The following C13orf42 variants were observed in gnomAD, a reference collection of about 807,000 sequenced individuals.
The protein encoded by C13orf42 is chromosome 13 open reading frame 42, also known as uncharacterized protein C13orf42.
rs759160008 is a variant in C13orf42, at chr13:51,083,939, G to A, written c.*212C>T. 4.3e-4 allele frequency: 160 copies of A among 371,764 alleles called. No homozygotes were observed. Among genetic ancestry groups the A allele is most frequent in the Admixed American group, 7.8e-4 (17 of 21,792 alleles). 23.0% of individuals were successfully genotyped at this position (371,764 alleles called of 1,614,324 possible). A position where few individuals can be genotyped will look rare whatever the true frequency, so the allele number is the denominator to read the frequency against. ...AAGTCCCTGGTCATCAGCCCACGCA[G>A]AGAAACTCAAGCTCTGAGAGTGTCC... On this transcript the variant is annotated 3_prime_UTR_variant, in exon 4 of 4. Coordinates refer to ENST00000563710, the MANE Select transcript of C13orf42 (RefSeq NM_001351589.3).
chr13:51,114,675 C>T (rs1953472053), upstream of C13orf42, among the ~76,000 whole-genome samples: 1 of 151,950 alleles, frequency 6.6e-6, no homozygotes, highest in Non-Finnish European at 1.5e-5. Context: ...GACAGACAGA[C>T]AGACAGACAG....
rs1206289963 is a variant in C13orf42 at position 51,153,630 on chromosome 13, C to CTTTTTTTTTT, written n.136+18613_136+18622dup. ...CATTTTCTTGCTTTCTGTTTTTTTT[C>CTTTTTTTTTT]TTTTTTTTTTTTTTTTTTTTTTTTT... On this transcript the variant is annotated intron_variant and non_coding_transcript_variant, in intron 1 of 4. Coordinates refer to the C13orf42 transcript ENST00000433280. Among the ~76,000 whole-genome samples, 74 of 81,248 alleles carry CTTTTTTTTTT rather than the reference C, an allele frequency of 9.1e-4. 1 individual carries two copies. Among genetic ancestry groups the CTTTTTTTTTT allele is most frequent in the East Asian group, 1.5e-3 (4 of 2,668 alleles). 53.3% of individuals were successfully genotyped at this position (81,248 alleles called of 152,430 possible).
intron 1 of C13orf42, among the ~76,000 whole-genome samples, chr13:51,171,060 AG>A (rs1448831797): frequency 6.6e-6 from 1 of 151,228 alleles, no homozygotes; most frequent in African/African-American, 2.4e-5. Flanking sequence ...GCTTTTCTGG[AG>A]GGCAAGAACC....
chr13:51,084,375 C>CCTTG (rs1566121103), intron 3 of C13orf42, 50 bp from the exon 4 acceptor site: 1 of 398,348 alleles, frequency 2.5e-6, no homozygotes, highest in Non-Finnish European at 4.4e-6. Context: ...TGGCCGGCCA[C>CCTTG]ACAGAGGGAA....
intron 1 of C13orf42, among the ~76,000 whole-genome samples, chr13:51,127,420 T>C (rs1953585502): frequency 6.6e-6 from 1 of 152,206 alleles, no homozygotes; most frequent in African/African-American, 2.4e-5. Flanking sequence ...ATACAGCTAG[T>C]AGGGAAGCTG....
At chr13:51,103,415 G>T (rs1953313648) in intron 1 of C13orf42, among the ~76,000 whole-genome samples, 1 of 152,114 alleles carries the variant, frequency 6.6e-6, no homozygotes, top group Non-Finnish European at 1.5e-5. Context: ...AAGAAAGGAA[G>T]TTCTGGGCCA....
At chr13:51,125,942 C>T (rs1032687265) in intron 1 of C13orf42, among the ~76,000 whole-genome samples, 1 of 152,174 alleles carries the variant, frequency 6.6e-6, no homozygotes, top group Non-Finnish European at 1.5e-5. Flanking sequence ...GGGGGCAGCA[C>T]GTCTGCAGGA....
intron 2 of C13orf42, among the ~76,000 whole-genome samples, chr13:51,086,714 A>T (rs1169864344): frequency 6.6e-6 from 1 of 152,156 alleles, no homozygotes; most frequent in African/African-American, 2.4e-5. Flanking sequence ...CATTTTTATT[A>T]AAAATTATAA....
chr13:51,085,182 C>T, intron 3 of C13orf42, 137 bp downstream of exon 3: 1 of 147,844 alleles, frequency 6.8e-6, no homozygotes. Context: ...CCAGCAACAA[C>T]AAATATATAT....
chr13:51,089,170 G>T (rs752246584), intron 1 of C13orf42, among the ~76,000 whole-genome samples: 1 of 152,156 alleles, frequency 6.6e-6, no homozygotes, highest in Non-Finnish European at 1.5e-5. Context: ...TGGTGTGTCA[G>T]GAAAGAAAAC....
At chr13:51,089,908 G>A (rs1402009701) in intron 1 of C13orf42, among the ~76,000 whole-genome samples, 1 of 151,968 alleles carries the variant, frequency 6.6e-6, no homozygotes, top group Non-Finnish European at 1.5e-5. Flanking sequence ...AAAGCAGATG[G>A]AGAGGTGACC....
intron 1 of C13orf42, among the ~76,000 whole-genome samples, chr13:51,167,180 T>TC (rs1953909288): frequency 2.0e-5 from 3 of 152,136 alleles, no homozygotes; most frequent in Non-Finnish European, 2.9e-5. Context: ...AGTAATTCTG[T>TC]CCAGGAAACC....
intron 1 of C13orf42, among the ~76,000 whole-genome samples, chr13:51,137,848 C>T (rs1953669238): frequency 6.6e-6 from 1 of 152,144 alleles, no homozygotes; most frequent in East Asian, 1.9e-4. Flanking sequence ...TGTATATATG[C>T]CTTCTCCAAA....
chr13:51,170,692 A>G (rs55767936), intron 1 of C13orf42, among the ~76,000 whole-genome samples: 1,959 of 152,092 alleles, frequency 0.013, 46 homozygotes, highest in African/African-American at 0.045. Flanking sequence ...TTGCAGGGAC[A>G]CCTCTCTGAT....
intron 1 of C13orf42, among the ~76,000 whole-genome samples, chr13:51,139,852 G>T (rs142923037): frequency 1.4e-3 from 210 of 152,266 alleles, no homozygotes; most frequent in African/African-American, 4.8e-3. Context: ...TCTGCCTATG[G>T]ACTAGCCATT....
intron 1 of C13orf42, chr13:51,162,126 C>T: frequency 3.4e-6 from 1 of 297,902 alleles, no homozygotes; most frequent in Admixed American, 3.6e-5. Context: ...ACTATCATGT[C>T]CCATTCTATA....
chr13:51,095,887 G>C (rs1307192687), intron 1 of C13orf42, among the ~76,000 whole-genome samples: 5 of 152,100 alleles, frequency 3.3e-5, no homozygotes, highest in Non-Finnish European at 7.4e-5. Context: ...GCTTGGTACT[G>C]CATTGTTCTT....
intron 1 of C13orf42, among the ~76,000 whole-genome samples, chr13:51,143,285 G>T (rs4942956): frequency 0.62 from 93,690 of 151,956 alleles, 29,181 homozygotes; most frequent in African/African-American, 0.7. Context: ...GAGGGACTAT[G>T]GGGGAAGAGG....
chr13:51,099,812 C>T (rs1422773778), intron 1 of C13orf42, among the ~76,000 whole-genome samples: 1 of 152,154 alleles, frequency 6.6e-6, no homozygotes, highest in Non-Finnish European at 1.5e-5. Flanking sequence ...GCTTTATAAT[C>T]TTAAAGCCAT....
Sources: gnomAD v4.1 joint callset for allele counts (sites outside exome capture counted in the v4.1 genomes callset) on GRCh38, gnomAD v4.1.1 for gene constraint, MANE v1.5 for transcripts, NCBI Gene and HGNC (gene_info 2026-07-23, HGNC 2026-07-21) for gene names.